LUZP2: variants seen among roughly 807,000 people sequenced by gnomAD.
The protein encoded by LUZP2 is leucine zipper protein 2.
In LUZP2, 52 loss-of-function variants were observed where a neutral mutation model predicts 51.6. The observed-to-expected ratio is 1.01, with a 90% CI of 0.81 to 1.27. The LOEUF (loss-of-function observed/expected upper bound fraction) is 1.27, where lower values mean the gene tolerates loss of function less well. Ranked by LOEUF, LUZP2 falls within the 50% of genes most tolerant of loss-of-function variation. The pLI, the probability that LUZP2 is intolerant of heterozygous loss-of-function variation, is 0.00. For missense variants in LUZP2, 436 were observed against 395.4 expected (o/e 1.10, Z -0.87); for synonymous variants, 154 against 137.3 (o/e 1.12, Z -0.85).
rs184413679 is a variant in LUZP2, at chr11:24,849,178, C to T, written c.397-56813C>T. On this transcript the variant is annotated intron_variant, in intron 5 of 11. Coordinates refer to ENST00000336930, the MANE Select transcript of LUZP2 (RefSeq NM_001009909.4). ...TAAGTTCTGGTATATATGTGCAGAA[C>T]GTACAGCTTTGTTACATAGGTATAC... 2.4e-3 allele frequency among the ~76,000 whole-genome samples: 366 copies of T among 152,120 alleles called. 5 individuals carry two copies. Among genetic ancestry groups the T allele is most frequent in the African/African-American group, 8.2e-3 (339 of 41,496 alleles).
At chr11:25,042,081 G>T (rs1330458401) in intron 9 of LUZP2, among the ~76,000 whole-genome samples, 2 of 152,074 alleles carry the variant, frequency 1.3e-5, no homozygotes, top group Non-Finnish European at 2.9e-5. Flanking sequence ...CACCACTTCA[G>T]TATATTTGCA....
chr11:24,813,691 G>A (rs545712882), intron 5 of LUZP2, among the ~76,000 whole-genome samples: 9 of 152,342 alleles, frequency 5.9e-5, no homozygotes, highest in African/African-American at 2.2e-4. Context: ...CATTTCAACA[G>A]GAGATTTGGG....
chr11:24,996,607 ATTTTATTTTATTTTAT>A (rs1856510987), intron 9 of LUZP2, among the ~76,000 whole-genome samples: 1 of 143,094 alleles, frequency 7.0e-6, no homozygotes, highest in Non-Finnish European at 1.5e-5. Context: ...ATTTTATTTT[ATTTTATTTTATTTTAT>A]TTTATTTTAT....
At chr11:24,677,228 T>C (rs1856588263) in intron 1 of LUZP2, among the ~76,000 whole-genome samples, 2 of 152,238 alleles carry the variant, frequency 1.3e-5, no homozygotes, top group South Asian at 4.1e-4. Flanking sequence ...TCGGAACTAT[T>C]CTTCACTTAT....
chr11:24,770,685 A>T (rs997904573), intron 5 of LUZP2, among the ~76,000 whole-genome samples: 15 of 152,340 alleles, frequency 9.8e-5, no homozygotes, highest in Admixed American at 1.3e-4. Flanking sequence ...ATATCCAGGA[A>T]TATGATGAAT....
At chr11:24,831,428 G>T (rs1160890630) in intron 5 of LUZP2, among the ~76,000 whole-genome samples, 1 of 152,176 alleles carries the variant, frequency 6.6e-6, no homozygotes, top group Non-Finnish European at 1.5e-5. Context: ...TTTGGAAGCA[G>T]AAGCTCTCTT....
At chr11:24,508,775 G>T (rs1050192968) in intron 1 of LUZP2, among the ~76,000 whole-genome samples, 1 of 152,032 alleles carries the variant, frequency 6.6e-6, no homozygotes, top group African/African-American at 2.4e-5. Flanking sequence ...TTTGTCTAAG[G>T]TTACTTTATT....
At chr11:24,599,875 G>A (rs1046802163) in intron 1 of LUZP2, among the ~76,000 whole-genome samples, 1 of 151,956 alleles carries the variant, frequency 6.6e-6, no homozygotes, top group Admixed American at 6.6e-5. Flanking sequence ...AATTTTTCAC[G>A]ACTCAAAGTT....
intron 9 of LUZP2, among the ~76,000 whole-genome samples, chr11:25,045,610 A>G (rs1321024273): frequency 1.3e-5 from 2 of 152,074 alleles, no homozygotes; most frequent in East Asian, 3.9e-4. Flanking sequence ...TGCATGAGAA[A>G]ACATAATTAA....
At chr11:24,591,752 T>C (rs547630334) in intron 1 of LUZP2, among the ~76,000 whole-genome samples, 1 of 152,248 alleles carries the variant, frequency 6.6e-6, no homozygotes, top group East Asian at 1.9e-4. Context: ...CTAAACACCA[T>C]TCTATGAAGT....
At chr11:24,732,694 T>C (rs901391631) in intron 3 of LUZP2, among the ~76,000 whole-genome samples, 14 of 151,842 alleles carry the variant, frequency 9.2e-5, no homozygotes, top group Middle Eastern at 3.4e-3. Context: ...AATATACTTG[T>C]GTAAATTATA....
At chr11:24,879,613 G>C (rs1852389970) in intron 5 of LUZP2, among the ~76,000 whole-genome samples, 1 of 152,182 alleles carries the variant, frequency 6.6e-6, no homozygotes, top group South Asian at 2.1e-4. Flanking sequence ...TTGCCATTCT[G>C]ACTGGCGTGA....
chr11:24,622,412 C>G (rs1213103689), intron 1 of LUZP2, among the ~76,000 whole-genome samples: 1 of 151,968 alleles, frequency 6.6e-6, no homozygotes, highest in Non-Finnish European at 1.5e-5. Flanking sequence ...ACCATGTTTC[C>G]TAGGCTGATC....
At chr11:24,769,693 A>ATGTTT (rs1554988274) in intron 5 of LUZP2, among the ~76,000 whole-genome samples, 2 of 105,750 alleles carry the variant, frequency 1.9e-5, no homozygotes, top group Admixed American at 8.9e-5. Flanking sequence ...ATGGTGGTCT[A>ATGTTT]TTTTTTTTTT....
At chr11:24,732,774 C>T (rs1404428806) in intron 3 of LUZP2, among the ~76,000 whole-genome samples, 1 of 151,640 alleles carries the variant, frequency 6.6e-6, no homozygotes, top group East Asian at 1.9e-4. Flanking sequence ...AATATGGAAA[C>T]AACTTTACGT....
rs189534473 is a variant in LUZP2, at chr11:24,501,458, T to A, written c.62+4153T>A. ...AAAGATCACTGAAACCAATGAGGAA[T>A]GCGTGGTTCTAATGAAATAATGTTT... On this transcript the variant is annotated intron_variant, in intron 1 of 11. Transcript: ENST00000336930. 4.6e-5 allele frequency among the ~76,000 whole-genome samples: 7 copies of A among 152,302 alleles called. No individual in the cohort carries two copies. In the East Asian group the frequency reaches 1.4e-3, roughly 29 times the overall value.
chr11:24,935,898 A>T (rs766116199), intron 7 of LUZP2, among the ~76,000 whole-genome samples: 9 of 152,154 alleles, frequency 5.9e-5, no homozygotes, highest in Non-Finnish European at 7.4e-5. Flanking sequence ...TGCCAATATA[A>T]TTTCAGAAGA....
intron 5 of LUZP2, among the ~76,000 whole-genome samples, chr11:24,839,494 C>A (rs565896769): frequency 6.6e-6 from 1 of 151,738 alleles, no homozygotes; most frequent in Admixed American, 6.6e-5. Flanking sequence ...TATTAATATT[C>A]AAAATTGCAT....
At chr11:24,548,036 A>G (rs1368529132) in intron 1 of LUZP2, among the ~76,000 whole-genome samples, 1 of 152,136 alleles carries the variant, frequency 6.6e-6, no homozygotes, top group Non-Finnish European at 1.5e-5. Flanking sequence ...CAATTATTAA[A>G]AGGTCAAAAA....
Sources: gnomAD v4.1 joint callset for allele counts (sites outside exome capture counted in the v4.1 genomes callset) on GRCh38, gnomAD v4.1.1 for gene constraint, MANE v1.5 for transcripts, NCBI Gene and HGNC (gene_info 2026-07-23, HGNC 2026-07-21) for gene names.